Variants in UNC13C observed in about 807,000 individuals in gnomAD.
UNC13C encodes protein unc-13 homolog C.
Under a neutral mutation model 245.4 loss-of-function variants are expected in UNC13C, and 174 were observed. The ratio of observed to expected loss-of-function variants is 0.71; its 90% CI spans 0.63 to 0.80. The LOEUF (loss-of-function observed/expected upper bound fraction) is 0.80, where lower values mean the gene tolerates loss of function less well. UNC13C is among the 30% of genes least tolerant of loss of function. The probability of loss-of-function intolerance (pLI) is 0.00; values close to 1 mark genes in which losing one functional copy is unlikely to be tolerated. For missense variants in UNC13C, 2,829 were observed against 2,602.9 expected (o/e 1.09, Z -1.89); for synonymous variants, 992 against 895.1 (o/e 1.11, Z -1.93).
chr15:53,979,778 G>T (rs1054458609), intron 1 of UNC13C, among the ~76,000 whole-genome samples: 1 of 152,126 alleles, frequency 6.6e-6, no homozygotes, highest in African/African-American at 2.4e-5. Context: ...AAAATACTCT[G>T]CATTTCTTTA....
At chr15:54,175,840 C>T (rs1366059542) in intron 4 of UNC13C, among the ~76,000 whole-genome samples, 1 of 152,098 alleles carries the variant, frequency 6.6e-6, no homozygotes, top group Non-Finnish European at 1.5e-5. Flanking sequence ...TGTGGTGGCA[C>T]ACTGCATATT....
the UNC13C span, among the ~76,000 whole-genome samples, chr15:53,968,433 C>G: frequency 1.3e-5 from 2 of 152,046 alleles, no homozygotes; most frequent in African/African-American, 2.4e-5. Flanking sequence ...GTATCAAACA[C>G]TTACAATGAG....
intron 7 of UNC13C, among the ~76,000 whole-genome samples, chr15:54,243,653 T>G (rs2035919311): frequency 6.6e-6 from 1 of 152,206 alleles, no homozygotes; most frequent in Admixed American, 6.5e-5. Context: ...TTTTTGACTT[T>G]TTGATAATCA....
At chr15:54,340,934 T>C (rs2038713275) in intron 17 of UNC13C, among the ~76,000 whole-genome samples, 1 of 152,136 alleles carries the variant, frequency 6.6e-6, no homozygotes, top group Non-Finnish European at 1.5e-5. Flanking sequence ...AGAATGGCTA[T>C]TATTAAAACA....
At chr15:54,051,451 C>T (rs1021784427) in intron 2 of UNC13C, among the ~76,000 whole-genome samples, 1 of 151,808 alleles carries the variant, frequency 6.6e-6, no homozygotes, top group African/African-American at 2.4e-5. Context: ...TCCTGGACTT[C>T]CTAATTTTTT....
the UNC13C span, among the ~76,000 whole-genome samples, chr15:53,842,897 G>GTT: frequency 7.9e-5 from 10 of 126,062 alleles, no homozygotes; most frequent in African/African-American, 3.4e-4. Flanking sequence ...ATAATTTTAA[G>GTT]TTTTATATAT....
chr15:53,898,353 G>A, the UNC13C span, among the ~76,000 whole-genome samples: 1 of 152,110 alleles, frequency 6.6e-6, no homozygotes, highest in Non-Finnish European at 1.5e-5. Flanking sequence ...GTTATTGAGT[G>A]CAGCTTTTCT....
intron 19 of UNC13C, among the ~76,000 whole-genome samples, chr15:54,459,960 G>A (rs1891747620): frequency 6.6e-6 from 1 of 152,146 alleles, no homozygotes; most frequent in Non-Finnish European, 1.5e-5. Flanking sequence ...TTTTCTGAGT[G>A]TTATAGAACC....
chr15:54,558,691 C>G (rs1040024559), intron 29 of UNC13C, among the ~76,000 whole-genome samples: 3 of 151,784 alleles, frequency 2.0e-5, no homozygotes, highest in African/African-American at 4.8e-5. Flanking sequence ...GCAGGAGTAA[C>G]AAAAATTATG....
At chr15:54,118,320 A>G (rs761669771) in intron 2 of UNC13C, among the ~76,000 whole-genome samples, 1 of 151,464 alleles carries the variant, frequency 6.6e-6, no homozygotes, top group Non-Finnish European at 1.5e-5. Flanking sequence ...GTCCTCTTCA[A>G]TTTTTTTTCA....
At chr15:54,532,470 A>C (rs970075341) in intron 25 of UNC13C, among the ~76,000 whole-genome samples, 1 of 152,234 alleles carries the variant, frequency 6.6e-6, no homozygotes, top group Non-Finnish European at 1.5e-5. Flanking sequence ...ACTATGGTAC[A>C]TATACACCAT....
At chr15:54,403,128 G>T (rs1427863110) in intron 18 of UNC13C, among the ~76,000 whole-genome samples, 1 of 152,178 alleles carries the variant, frequency 6.6e-6, no homozygotes, top group Non-Finnish European at 1.5e-5. Context: ...TCTAAACTCA[G>T]TAAATTCTGT....
intron 10 of UNC13C, among the ~76,000 whole-genome samples, chr15:54,293,621 C>A (rs1208780212): frequency 6.6e-6 from 1 of 151,766 alleles, no homozygotes; most frequent in Non-Finnish European, 1.5e-5. Context: ...ATATCACAAG[C>A]AAAGATTTCT....
At chr15:54,539,490 A>G (rs1490166295) in intron 26 of UNC13C, among the ~76,000 whole-genome samples, 1 of 151,978 alleles carries the variant, frequency 6.6e-6, no homozygotes, top group African/African-American at 2.4e-5. Context: ...TTCTCTGGAC[A>G]TTTTTATCTT....
chr15:53,845,014 C>T, the UNC13C span, among the ~76,000 whole-genome samples: 1 of 152,090 alleles, frequency 6.6e-6, no homozygotes, highest in Non-Finnish European at 1.5e-5. Flanking sequence ...TCAGAGAAAG[C>T]TCTCTAAACT....
intron 2 of UNC13C, among the ~76,000 whole-genome samples, chr15:54,076,399 G>A (rs1007329553): frequency 4.6e-5 from 7 of 151,348 alleles, no homozygotes; most frequent in South Asian, 4.2e-4. Flanking sequence ...GAGAATGATG[G>A]TTTCCAGTTT....
At chr15:54,403,848 A>T (rs541323569) in intron 18 of UNC13C, among the ~76,000 whole-genome samples, 98 of 152,272 alleles carry the variant, frequency 6.4e-4, no homozygotes, top group African/African-American at 2.3e-3. Context: ...CAAAAAGATA[A>T]AAAGGGTGAT....
the UNC13C span, among the ~76,000 whole-genome samples, chr15:53,942,652 C>A: frequency 6.6e-6 from 1 of 151,448 alleles, no homozygotes; most frequent in Non-Finnish European, 1.5e-5. Context: ...TAACGATTTT[C>A]CTGAAATATT....
chr15:54,137,862 A>T (rs1296577843), intron 2 of UNC13C, among the ~76,000 whole-genome samples: 3 of 152,028 alleles, frequency 2.0e-5, no homozygotes, highest in African/African-American at 7.2e-5. Flanking sequence ...AGTTCTGCTG[A>T]CATTGGGCTT....
Sources: allele counts gnomAD v4.1 joint callset (sites outside exome capture counted in the v4.1 genomes callset), GRCh38; gene constraint gnomAD v4.1.1; transcripts MANE v1.5; gene names NCBI Gene and HGNC (gene_info 2026-07-23, HGNC 2026-07-21).